The following PTPRG variants were observed in gnomAD, a reference collection of about 807,000 sequenced individuals.
The protein encoded by PTPRG is protein tyrosine phosphatase receptor type G.
Under a neutral mutation model 165.3 loss-of-function variants are expected in PTPRG, and 102 were observed. That is an observed-to-expected ratio of 0.62 (90% CI 0.53 to 0.73). The LOEUF (loss-of-function observed/expected upper bound fraction) is 0.73. Among genes scored for constraint, PTPRG ranks in the 30% least tolerant of loss-of-function variants. The pLI, the probability that PTPRG is intolerant of heterozygous loss-of-function variation, is 0.00. For missense variants in PTPRG, 1,866 were observed against 1,861.4 expected, an observed-to-expected ratio of 1.00 and a Z score of -0.05; for synonymous variants, 675 against 669.5, an observed-to-expected ratio of 1.01 and a Z score of -0.13.
In PTPRG at chr3:61,562,206, T is replaced by A; in HGVS notation, c.-82T>A. On this transcript the variant is annotated 5_prime_UTR_variant, in exon 1 of 30. Transcript: ENST00000474889. ...GGCGAGCCGGGGAAGCGCCCCGGCT[T>A]AGCGGAGGCTCGCACGGAGGCAAGA... 4 of 1,307,554 alleles carry A rather than the reference T, an allele frequency of 3.1e-6. No homozygotes were observed. In the South Asian group the frequency reaches 4.8e-5, roughly 16 times the overall value. The allele number at this position is 1,307,554 out of a possible 1,614,324, so 81.0% of individuals were successfully genotyped here.
intron 1 of PTPRG, among the ~76,000 whole-genome samples, chr3:61,721,471 G>A (rs2032040407): frequency 6.6e-6 from 1 of 152,208 alleles, no homozygotes; most frequent in Admixed American, 6.5e-5. Flanking sequence ...GTAGAGATGT[G>A]TCTAGAGAAG....
chr3:61,764,182 T>C (rs1400172164), intron 2 of PTPRG, among the ~76,000 whole-genome samples: 1 of 152,176 alleles, frequency 6.6e-6, no homozygotes, highest in African/African-American at 2.4e-5. Flanking sequence ...CAGGTAGACC[T>C]CCCTGTTCCT....
intron 5 of PTPRG, among the ~76,000 whole-genome samples, chr3:62,116,085 A>G (rs1702857071): frequency 6.6e-6 from 1 of 152,004 alleles, no homozygotes; most frequent in South Asian, 2.1e-4. Context: ...GAGTTTGGGG[A>G]ATTGAGTCTC....
chr3:61,955,336 T>C (rs147021931), intron 2 of PTPRG, among the ~76,000 whole-genome samples: 2 of 152,368 alleles, frequency 1.3e-5, no homozygotes, highest in East Asian at 3.9e-4. Context: ...TGATTTTTAA[T>C]GCTTTTATTG....
rs533984580 is a variant in PTPRG at position 61,756,360 on chromosome 3, T to C, written c.190+7378T>C. Among the ~76,000 whole-genome samples the C allele has an allele frequency of 5.8e-4, 88 of 152,304 alleles. 1 individual carries two copies. The highest frequency in any genetic ancestry group is 1.0e-3 in the Non-Finnish European group (69 of 68,032). ...TCCTACAGATACTATTTTTCTTTTA[T>C]AGTTCATGTGTGGTTCCAAGGGTAG... is the stretch of plus-strand genomic sequence containing the variant. On this transcript the variant is annotated intron_variant, in intron 2 of 29. Coordinates refer to ENST00000474889, the MANE Select transcript of PTPRG (RefSeq NM_002841.4).
In PTPRG at chr3:62,224,858, C is replaced by T. The variant is rs1172927303; in HGVS notation, c.2288+5875C>T. ...ACACTATAGTTCTCCCTTGAATGTC[C>T]CTCGCAAAGGTCTGCCTTGAAGAGC... On this transcript the variant is annotated intron_variant, in intron 13 of 29. Coordinates refer to ENST00000474889, the MANE Select transcript of PTPRG (RefSeq NM_002841.4). The surrounding 1 kb of genome is among the most constrained non-coding windows in gnomAD (Gnocchi z 4.9). Among the ~76,000 whole-genome samples, 1 of 152,106 alleles carries T rather than the reference C, an allele frequency of 6.6e-6. No homozygotes were observed. The highest frequency in any genetic ancestry group is 1.5e-5 in the Non-Finnish European group (1 of 68,024).
chr3:61,774,502 C>T (rs2107042641), intron 2 of PTPRG, among the ~76,000 whole-genome samples: 1 of 152,228 alleles, frequency 6.6e-6, no homozygotes, highest in Admixed American at 6.5e-5. Flanking sequence ...TCAATTGCAG[C>T]CTAACCAGAG....
At chr3:61,995,767 CCTT>C (rs1272660310) in intron 3 of PTPRG, among the ~76,000 whole-genome samples, 2 of 143,152 alleles carry the variant, frequency 1.4e-5, no homozygotes, top group Non-Finnish European at 3.0e-5. Flanking sequence ...CTCCCTCCCT[CCTT>C]CTTTTTCTTT....
At chr3:62,014,197 C>T (rs1183252242) in intron 4 of PTPRG, among the ~76,000 whole-genome samples, 3 of 152,110 alleles carry the variant, frequency 2.0e-5, no homozygotes, top group African/African-American at 7.2e-5. Context: ...CCTCTCTTCC[C>T]TTTAAATCCC....
At chr3:61,672,080 C>G (rs1380613915) in intron 1 of PTPRG, among the ~76,000 whole-genome samples, 1 of 147,242 alleles carries the variant, frequency 6.8e-6, no homozygotes, top group Middle Eastern at 3.3e-3. Flanking sequence ...ACATCCCGGA[C>G]GGGGCAGCAG....
At chr3:62,108,285 A>G (rs186853902) in intron 5 of PTPRG, among the ~76,000 whole-genome samples, 89 of 152,146 alleles carry the variant, frequency 5.8e-4, no homozygotes, top group Non-Finnish European at 2.9e-5. Context: ...ATGAGTGAGA[A>G]CATGCAGTGT....
chr3:62,256,801 C>A (rs927059300), intron 16 of PTPRG, among the ~76,000 whole-genome samples: 6 of 152,102 alleles, frequency 3.9e-5, no homozygotes, highest in African/African-American at 1.4e-4. Context: ...GGTTTTGACA[C>A]CATTTAATTA....
rs1462790354 is a variant in PTPRG, at chr3:62,271,200, C to A, written c.3010-183C>A. ...TCTAAGTGATAGTGACACTTCATATCCAGCTTGGTAATGTCTCCAATTTAA... is the reference window on the plus strand; with the variant it reads ...TCTAAGTGATAGTGACACTTCATATACAGCTTGGTAATGTCTCCAATTTAA... On this transcript the variant is annotated intron_variant, in intron 20 of 29. Coordinates refer to ENST00000474889, the MANE Select transcript of PTPRG (RefSeq NM_002841.4). The surrounding 1 kb of genome is among the most constrained non-coding windows in gnomAD (Gnocchi z 4.1). Among the ~76,000 whole-genome samples, 3 of 152,186 alleles carry A rather than the reference C, an allele frequency of 2.0e-5. No individual in the cohort carries two copies. The highest frequency in any genetic ancestry group is 7.2e-5 in the African/African-American group (3 of 41,450).
chr3:61,929,196 G>A (rs927104045), intron 2 of PTPRG, among the ~76,000 whole-genome samples: 1 of 152,084 alleles, frequency 6.6e-6, no homozygotes. Context: ...TTTAACACAT[G>A]CATAAAGCCT....
chr3:62,256,886 C>T (rs1484267867), intron 16 of PTPRG, among the ~76,000 whole-genome samples: 2 of 152,248 alleles, frequency 1.3e-5, no homozygotes, highest in South Asian at 2.1e-4. Flanking sequence ...AATCATGCTT[C>T]TTAACAAATC....
intron 16 of PTPRG, among the ~76,000 whole-genome samples, chr3:62,258,557 A>G (rs1701603848): frequency 6.6e-6 from 1 of 152,238 alleles, no homozygotes; most frequent in Admixed American, 6.5e-5. Flanking sequence ...TCTCGGAAGT[A>G]AAAAAATGTT....
chr3:62,274,786 C>T (rs1702180267), intron 23 of PTPRG, among the ~76,000 whole-genome samples: 1 of 152,124 alleles, frequency 6.6e-6, no homozygotes, highest in Non-Finnish European at 1.5e-5. Flanking sequence ...TAACATTCTA[C>T]TATAAAACCA....
chr3:61,658,881 A>G (rs1482580953), intron 1 of PTPRG, among the ~76,000 whole-genome samples: 3 of 152,224 alleles, frequency 2.0e-5, no homozygotes, highest in Admixed American at 2.0e-4. Context: ...AATTTGACAC[A>G]TTATAGATTC....
chr3:61,942,335 T>C (rs535821833), intron 2 of PTPRG, among the ~76,000 whole-genome samples: 87 of 152,320 alleles, frequency 5.7e-4, no homozygotes, highest in African/African-American at 2.0e-3. Context: ...GCTGTCATTT[T>C]CCAAACAGCA....
Sources: allele counts gnomAD v4.1 joint callset (sites outside exome capture counted in the v4.1 genomes callset), GRCh38; gene constraint gnomAD v4.1.1; non-coding constraint Gnocchi (gnomAD v3.1); transcripts MANE v1.5; gene names NCBI Gene and HGNC (gene_info 2026-07-23, HGNC 2026-07-21).